Variants in CSMD1 observed in about 807,000 individuals in gnomAD.
The protein encoded by CSMD1 is CUB and sushi domain-containing protein 1.
Under a neutral mutation model 417.5 loss-of-function variants are expected in CSMD1, and 213 were observed. The ratio of observed to expected loss-of-function variants is 0.51; its 90% CI spans 0.46 to 0.57. The LOEUF (loss-of-function observed/expected upper bound fraction) is 0.57. Ranked by LOEUF, CSMD1 falls within the 20% of genes least tolerant of loss-of-function variation. The pLI is 0.00. For missense variants in CSMD1, 6,923 were observed against 4,529.7 expected, an observed-to-expected ratio of 1.53 and a Z score of -15.17; for synonymous variants, 2,862 against 1,736.8, an observed-to-expected ratio of 1.65 and a Z score of -16.11.
intron 3 of CSMD1, among the ~76,000 whole-genome samples, chr8:4,123,361 C>T (rs1295841800): frequency 1.3e-5 from 2 of 152,206 alleles, no homozygotes; most frequent in African/African-American, 4.8e-5. Flanking sequence ...CCTCACCCAT[C>T]CCATAACGTC....
intron 3 of CSMD1, among the ~76,000 whole-genome samples, chr8:4,077,723 A>C (rs1055653894): frequency 2.6e-5 from 4 of 152,018 alleles, no homozygotes; most frequent in Non-Finnish European, 4.4e-5. Flanking sequence ...ACCATTCTCA[A>C]ATTTGCTCTT....
chr8:4,794,215 TC>T (rs1797852746), intron 1 of CSMD1, among the ~76,000 whole-genome samples: 1 of 142,798 alleles, frequency 7.0e-6, no homozygotes, highest in African/African-American at 2.5e-5. Flanking sequence ...GTCACTTGGA[TC>T]ATTTTTATCA....
chr8:4,136,291 T>C (rs1464669518), intron 3 of CSMD1, among the ~76,000 whole-genome samples: 2 of 152,212 alleles, frequency 1.3e-5, no homozygotes, highest in African/African-American at 4.8e-5. Context: ...ACAGGGACCA[T>C]CTTTTTTTAG....
At chr8:3,243,023 G>A (rs1344800916) in intron 26 of CSMD1, among the ~76,000 whole-genome samples, 5 of 152,084 alleles carry the variant, frequency 3.3e-5, no homozygotes, top group Admixed American at 2.6e-4. Context: ...TGAGTCCACG[G>A]ATAAAACGTG....
At chr8:4,096,649 A>C (rs1357057221) in intron 3 of CSMD1, among the ~76,000 whole-genome samples, 1 of 152,242 alleles carries the variant, frequency 6.6e-6, no homozygotes, top group African/African-American at 2.4e-5. Context: ...CTTTACTAAG[A>C]TATTTAGATA....
chr8:3,303,608 C>CAATT (rs1439580761), intron 25 of CSMD1, among the ~76,000 whole-genome samples: 5 of 152,150 alleles, frequency 3.3e-5, no homozygotes, highest in Non-Finnish European at 5.9e-5. Flanking sequence ...GCTTTCCAGA[C>CAATT]AATTACACTG....
At chr8:3,881,125 T>A (rs535214374) in intron 5 of CSMD1, among the ~76,000 whole-genome samples, 1 of 152,258 alleles carries the variant, frequency 6.6e-6, no homozygotes, top group Admixed American at 6.5e-5. Flanking sequence ...TAAGAAGATC[T>A]AAAAAATGCA....
At chr8:3,960,987 T>C (rs972190875) in intron 5 of CSMD1, among the ~76,000 whole-genome samples, 4 of 151,920 alleles carry the variant, frequency 2.6e-5, no homozygotes, top group South Asian at 2.1e-4. Flanking sequence ...TTTAAAAATA[T>C]ATTAAATTAT....
At chr8:3,884,559 G>C (rs1231552344) in intron 5 of CSMD1, among the ~76,000 whole-genome samples, 1 of 152,162 alleles carries the variant, frequency 6.6e-6, no homozygotes, top group Non-Finnish European at 1.5e-5. Context: ...ATATACCTGG[G>C]TGTGGAATTG....
intron 3 of CSMD1, among the ~76,000 whole-genome samples, chr8:4,283,972 C>G (rs183784719): frequency 1.3e-5 from 2 of 152,310 alleles, no homozygotes; most frequent in South Asian, 4.1e-4. Context: ...GTGGCTCACA[C>G]TTGTAATCGT....
intron 26 of CSMD1, among the ~76,000 whole-genome samples, chr8:3,263,121 G>C (rs1421802506): frequency 1.3e-5 from 2 of 151,786 alleles, no homozygotes; most frequent in Non-Finnish European, 2.9e-5. Flanking sequence ...TTTTTTTTCA[G>C]AGAGTTTCAC....
intron 69 of CSMD1, among the ~76,000 whole-genome samples, chr8:2,939,927 T>C (rs888926597): frequency 2.0e-5 from 3 of 152,164 alleles, no homozygotes; most frequent in Non-Finnish European, 4.4e-5. Context: ...CCTTCATGTG[T>C]AGGGAAATGC....
intron 5 of CSMD1, among the ~76,000 whole-genome samples, chr8:3,764,014 C>T (rs1277741830): frequency 3.3e-5 from 5 of 152,152 alleles, no homozygotes; most frequent in African/African-American, 9.7e-5. Flanking sequence ...AGCTCCTCAG[C>T]AGGTGTTTGG....
At chr8:3,813,290 G>A (rs1156959706) in intron 5 of CSMD1, among the ~76,000 whole-genome samples, 1 of 151,974 alleles carries the variant, frequency 6.6e-6, no homozygotes, top group African/African-American at 2.4e-5. Context: ...ACATTTAATT[G>A]TATAACCTTT....
intron 51 of CSMD1, among the ~76,000 whole-genome samples, chr8:3,024,517 G>T (rs1405224195): frequency 6.6e-6 from 1 of 152,186 alleles, no homozygotes; most frequent in African/African-American, 2.4e-5. Flanking sequence ...ATGTTGGCCA[G>T]GTTGGACTCA....
chr8:3,459,843 C>T (rs1483306661), intron 12 of CSMD1, among the ~76,000 whole-genome samples: 4 of 152,020 alleles, frequency 2.6e-5, no homozygotes, highest in Admixed American at 1.3e-4. Flanking sequence ...GCTATAATTC[C>T]TCAAACGTAT....
chr8:3,397,297 G>A (rs989427214), intron 16 of CSMD1, among the ~76,000 whole-genome samples: 6 of 152,194 alleles, frequency 3.9e-5, no homozygotes, highest in African/African-American at 1.2e-4. Flanking sequence ...TGTGCTGGAT[G>A]TTGCTGATGA....
intron 3 of CSMD1, among the ~76,000 whole-genome samples, chr8:4,246,617 G>C (rs1037526951): frequency 7.9e-5 from 12 of 152,094 alleles, no homozygotes; most frequent in Admixed American, 2.6e-4. Context: ...GTCTAGCTTT[G>C]TTCAGCAGAA....
chr8:4,570,776 C>G (rs775866104), intron 2 of CSMD1, among the ~76,000 whole-genome samples: 1 of 152,170 alleles, frequency 6.6e-6, no homozygotes, highest in African/African-American at 2.4e-5. Flanking sequence ...CTGTCCTGGG[C>G]TTTTATTGTT....
Sources: allele counts gnomAD v4.1 joint callset (sites outside exome capture counted in the v4.1 genomes callset), GRCh38; gene constraint gnomAD v4.1.1; transcripts MANE v1.5; gene names NCBI Gene and HGNC (gene_info 2026-07-23, HGNC 2026-07-21).